The following TASP1 variants were observed in gnomAD, a reference collection of about 807,000 sequenced individuals.
The protein encoded by TASP1 is taspase 1, also known as threonine aspartase 1.
Under a neutral mutation model 56.6 loss-of-function variants are expected in TASP1, and 16 were observed. That is an observed-to-expected ratio of 0.28 (90% CI 0.19 to 0.43). The LOEUF (loss-of-function observed/expected upper bound fraction) is 0.43. Ranked by LOEUF, TASP1 falls within the 20% of genes least tolerant of loss-of-function variation. The pLI, the probability that TASP1 is intolerant of heterozygous loss-of-function variation, is 1.00. For synonymous variants in TASP1, 179 were observed against 184.2 expected (o/e 0.97, Z 0.23); for missense variants, 393 against 511.6 (o/e 0.77, Z 2.24).
intron 4 of TASP1, among the ~76,000 whole-genome samples, chr20:13,621,822 T>A (rs901193164): frequency 2.0e-5 from 3 of 152,214 alleles, no homozygotes; most frequent in Non-Finnish European, 2.9e-5. Context: ...CAGTTTTGCA[T>A]TCATAGTTGC....
chr20:13,437,610 C>T (rs946630810), intron 11 of TASP1, among the ~76,000 whole-genome samples: 6 of 152,202 alleles, frequency 3.9e-5, no homozygotes, highest in African/African-American at 1.2e-4. Context: ...CTAGAAAACC[C>T]CATTGTCTCA....
At chr20:13,158,717 G>A in the TASP1 span, among the ~76,000 whole-genome samples, 1 of 152,094 alleles carries the variant, frequency 6.6e-6, no homozygotes, top group Admixed American at 6.5e-5. Flanking sequence ...ATGTTGCCTC[G>A]CCCAAGCCAG....
chr20:13,489,305 G>A (rs536166601), intron 10 of TASP1, among the ~76,000 whole-genome samples: 2 of 152,274 alleles, frequency 1.3e-5, no homozygotes, highest in East Asian at 3.9e-4. Context: ...TGGCCAGAAA[G>A]AGCTACACAT....
intron 4 of TASP1, among the ~76,000 whole-genome samples, chr20:13,599,288 T>C (rs986219841): frequency 1.3e-5 from 2 of 152,104 alleles, no homozygotes; most frequent in Non-Finnish European, 2.9e-5. Context: ...TAAACATCCA[T>C]CAATGATAGA....
chr20:13,593,632 T>A (rs546734976), intron 4 of TASP1, among the ~76,000 whole-genome samples: 7 of 152,174 alleles, frequency 4.6e-5, no homozygotes, highest in Non-Finnish European at 8.8e-5. Flanking sequence ...CCTGCGAGGC[T>A]GCAGCCTGGT....
At chr20:13,130,155 C>T in the TASP1 span, among the ~76,000 whole-genome samples, 1 of 152,218 alleles carries the variant, frequency 6.6e-6, no homozygotes, top group South Asian at 2.1e-4. Context: ...TCACACTGGC[C>T]TCATTTGCAA....
intron 11 of TASP1, among the ~76,000 whole-genome samples, chr20:13,460,533 C>G (rs1468872194): frequency 6.6e-6 from 1 of 152,084 alleles, no homozygotes; most frequent in Admixed American, 6.6e-5. Context: ...TATGCAATTG[C>G]CTAATTAACA....
At chr20:13,188,815 T>C in the TASP1 span, among the ~76,000 whole-genome samples, 4 of 152,152 alleles carry the variant, frequency 2.6e-5, no homozygotes, top group Admixed American at 2.6e-4. Context: ...TGCATTTGAG[T>C]CCTCATGGAT....
intron 11 of TASP1, among the ~76,000 whole-genome samples, chr20:13,456,172 C>G (rs2043826025): frequency 6.6e-6 from 1 of 152,112 alleles, no homozygotes; most frequent in South Asian, 2.1e-4. Flanking sequence ...CAGTCAAGAG[C>G]AACGGTCATG....
At chr20:13,457,782 G>A (rs1792566824) in intron 11 of TASP1, among the ~76,000 whole-genome samples, 1 of 152,044 alleles carries the variant, frequency 6.6e-6, no homozygotes, top group Non-Finnish European at 1.5e-5. Context: ...ATCTAATAGA[G>A]CTATGTTAAT....
chr20:13,470,766 C>T (rs908899742), intron 11 of TASP1, among the ~76,000 whole-genome samples: 4 of 152,044 alleles, frequency 2.6e-5, no homozygotes, highest in Admixed American at 2.0e-4. Flanking sequence ...ATTTCTGATC[C>T]TCTCTCTCTC....
At chr20:13,590,383 TAAGCAGAATAATATGGCCCAC>T (rs1568621304) in intron 4 of TASP1, among the ~76,000 whole-genome samples, 1 of 152,184 alleles carries the variant, frequency 6.6e-6, no homozygotes. Flanking sequence ...GACATGCAAG[TAAGCAGAATAATATGGCCCAC>T]AACCAGAATA....
At position 13,392,042 on chromosome 20, in the gene TASP1, A is replaced by G. The variant is rs987517796; in HGVS notation, c.1171-1590T>C. ...GCCTAAAAACAGACCACTTTCTGCAACAAACTTGGATGTCAGCATAAAAAA... is the reference window on the plus strand; with the variant it reads ...GCCTAAAAACAGACCACTTTCTGCAGCAAACTTGGATGTCAGCATAAAAAA... On this transcript the variant is annotated intron_variant, in intron 13 of 13. Transcript: ENST00000337743. Among the ~76,000 whole-genome samples, 3 of 152,202 alleles carry G rather than the reference A, an allele frequency of 2.0e-5. No individual in the cohort carries two copies. In the East Asian group the frequency reaches 5.8e-4, roughly 29 times the overall value.
At chr20:13,373,972 T>G in the TASP1 span, among the ~76,000 whole-genome samples, 1 of 152,160 alleles carries the variant, frequency 6.6e-6, no homozygotes, top group Admixed American at 6.5e-5. Context: ...ATAATCCCTA[T>G]CAGTCTATCA....
chr20:13,472,246 T>A (rs1260047188), intron 11 of TASP1, among the ~76,000 whole-genome samples: 3 of 150,916 alleles, frequency 2.0e-5, no homozygotes, highest in Admixed American at 2.0e-4. Context: ...GGATTCCCTA[T>A]TTAATAAACG....
the TASP1 span, among the ~76,000 whole-genome samples, chr20:13,376,244 AT>A: frequency 6.6e-6 from 1 of 152,240 alleles, no homozygotes; most frequent in South Asian, 2.1e-4. Context: ...TCTTGAGTTA[AT>A]TTTTTATAAG....
intron 1 of TASP1, among the ~76,000 whole-genome samples, chr20:13,631,241 C>T (rs1186532221): frequency 6.6e-6 from 1 of 152,008 alleles, no homozygotes; most frequent in Non-Finnish European, 1.5e-5. Context: ...ATTATATATA[C>T]ACATCGTTGC....
intron 3 of TASP1, among the ~76,000 whole-genome samples, chr20:13,624,152 C>T (rs1171906733): frequency 6.6e-6 from 1 of 152,166 alleles, no homozygotes; most frequent in Non-Finnish European, 1.5e-5. Context: ...GAATTATTAA[C>T]ATTCCAATTT....
intron 12 of TASP1, among the ~76,000 whole-genome samples, chr20:13,421,386 T>G (rs1401400196): frequency 2.9e-5 from 4 of 136,256 alleles, no homozygotes; most frequent in South Asian, 2.3e-4. Flanking sequence ...GTTTAGAGTG[T>G]TTGTTTTTGC....
Sources: gnomAD v4.1 joint callset for allele counts (sites outside exome capture counted in the v4.1 genomes callset) on GRCh38, gnomAD v4.1.1 for gene constraint, MANE v1.5 for transcripts, NCBI Gene and HGNC (gene_info 2026-07-23, HGNC 2026-07-21) for gene names.